Variants in MRPS18A observed in about 807,000 individuals in gnomAD.
MRPS18A encodes the protein mitochondrial ribosomal protein S18A.
A neutral mutation model predicts 22.7 loss-of-function variants in MRPS18A; 20 were observed. The ratio of observed to expected loss-of-function variants is 0.88; its 90% CI spans 0.62 to 1.28. The LOEUF (loss-of-function observed/expected upper bound fraction) is 1.28. Ranked by LOEUF, MRPS18A falls within the 50% of genes most tolerant of loss-of-function variation. The pLI is 0.00. For missense variants in MRPS18A, 294 were observed against 262.6 expected (o/e 1.12, Z -0.83); for synonymous variants, 106 against 99.1 (o/e 1.07, Z -0.41).
chr6:43,672,467 GA>G, intron 5 of MRPS18A: 1 of 469,512 alleles, frequency 2.1e-6, no homozygotes, highest in Non-Finnish European at 4.4e-6. Context: ...GGGGGGTGGG[GA>G]AAGATGGCTG....
intron 1 of MRPS18A, among the ~76,000 whole-genome samples, chr6:43,684,099 C>T (rs1339584709): frequency 6.6e-6 from 1 of 152,036 alleles, no homozygotes; most frequent in African/African-American, 2.4e-5. Context: ...CACAGCAAGA[C>T]CTTGTCTCTT....
At chr6:43,685,003 G>A (rs1186176414) in intron 1 of MRPS18A, among the ~76,000 whole-genome samples, 1 of 152,198 alleles carries the variant, frequency 6.6e-6, no homozygotes, top group East Asian at 1.9e-4. Flanking sequence ...ACTGCTAAGA[G>A]CTTTCAGGGA....
chr6:43,674,965 C>T (rs1177800235), intron 5 of MRPS18A, among the ~76,000 whole-genome samples: 2 of 152,216 alleles, frequency 1.3e-5, no homozygotes, highest in Non-Finnish European at 2.9e-5. Context: ...GGGATTAGCA[C>T]ATTCTAATGC....
chr6:43,679,791 T>C (rs143793804), intron 2 of MRPS18A, among the ~76,000 whole-genome samples: 1,893 of 151,244 alleles, frequency 0.013, 44 homozygotes, highest in African/African-American at 0.043. Flanking sequence ...TACCAGAAAC[T>C]GAGATGTTAG....
At chr6:43,681,025 G>C (rs1774375506) in intron 2 of MRPS18A, 64 bp downstream of exon 2, 1 of 1,530,868 alleles carries the variant, frequency 6.5e-7, no homozygotes, top group Non-Finnish European at 9.0e-7. Context: ...CCCTCCCTCA[G>C]AGGAGCGGCC....
Position 43,675,189 on chromosome 6 carries a change from C to G in MRPS18A, c.446+13G>C. ...GCAGAACGCTCAGGTTGTTCACACC[C>G]AGGCTTGCTTACCGGTTGAGTTGGG... is the stretch of plus-strand genomic sequence containing the variant. On this transcript the variant is annotated intron_variant, in intron 5 of 5. Transcript: ENST00000372133. 6.6e-7 allele frequency: 1 copy of G among 1,511,736 alleles called. No individual in the cohort carries two copies. The allele number at this position is 1,511,736 out of a possible 1,614,324, so 93.6% of individuals were successfully genotyped here.
At chr6:43,675,374 G>T in intron 4 of MRPS18A, 103 bp from the exon 5 acceptor site, 1 of 1,592,340 alleles carries the variant, frequency 6.3e-7, no homozygotes, top group South Asian at 1.1e-5. Flanking sequence ...ATTGGGTGGT[G>T]AGTATAATTA....
intron 2 of MRPS18A, among the ~76,000 whole-genome samples, chr6:43,680,310 G>T (rs1003340105): frequency 6.6e-6 from 1 of 152,176 alleles, no homozygotes; most frequent in African/African-American, 2.4e-5. Flanking sequence ...CATTCTAGGG[G>T]GAGACCCAAT....
intron 1 of MRPS18A, 29 bp from the exon 2 acceptor site, chr6:43,681,149 T>C: frequency 2.5e-6 from 4 of 1,607,528 alleles, no homozygotes; most frequent in Non-Finnish European, 3.4e-6. Flanking sequence ...AAACATTAGG[T>C]CAGCCATTTA....
At chr6:43,681,374 G>A (rs558057339) in intron 1 of MRPS18A, among the ~76,000 whole-genome samples, 12 of 152,310 alleles carry the variant, frequency 7.9e-5, no homozygotes, top group Admixed American at 2.6e-4. Flanking sequence ...AAGGAGTTCC[G>A]CACTGTTTTT....
chr6:43,682,877 C>T (rs1774493585), intron 1 of MRPS18A, among the ~76,000 whole-genome samples: 1 of 152,162 alleles, frequency 6.6e-6, no homozygotes, highest in Non-Finnish European at 1.5e-5. Context: ...TGCAACTTTG[C>T]TAATTTGCAA....
intron 5 of MRPS18A, 58 bp from the exon 6 acceptor site, chr6:43,671,964 G>A (rs961630975): frequency 5.3e-6 from 8 of 1,509,060 alleles, no homozygotes; most frequent in African/African-American, 2.8e-5. Flanking sequence ...CTGGACGTGG[G>A]AGAGTGGAGC....
Position 43,675,564 on chromosome 6 carries a change from T to C in MRPS18A, c.306A>G (p.Arg102=). The C allele has an allele frequency of 6.2e-7, 1 of 1,614,008 alleles. No individual in the cohort carries two copies. The highest frequency in any genetic ancestry group is 1.1e-5 in the South Asian group (1 of 91,082). ...CTTCCTGGCATAGGCCTGTGATCTT[T>C]CGGGGCAGCATGCCTCCATGAGGCC... ...FIRPHGGMLP[R]KITGLCQEEH... Residue 102 remains arginine (R), a synonymous_variant, in exon 4 of 6, where the codon CGA becomes CGG. Transcript: ENST00000372133.
intron 2 of MRPS18A, among the ~76,000 whole-genome samples, chr6:43,678,989 G>C (rs571928962): frequency 2.6e-5 from 4 of 152,294 alleles, no homozygotes; most frequent in Middle Eastern, 3.4e-3. Flanking sequence ...CTTGGCTTTT[G>C]GGGGAAAGTA....
chr6:43,677,058 A>G (rs548101539), intron 3 of MRPS18A, among the ~76,000 whole-genome samples: 1 of 152,178 alleles, frequency 6.6e-6, no homozygotes, highest in Non-Finnish European at 1.5e-5. Context: ...CCGGGATTAG[A>G]TTTCTTCTGC....
intron 1 of MRPS18A, among the ~76,000 whole-genome samples, chr6:43,682,235 G>A (rs1561952057): frequency 6.6e-6 from 1 of 152,302 alleles, no homozygotes; most frequent in South Asian, 2.1e-4. Flanking sequence ...GGAGGTTGAG[G>A]CTGCAGCGAG....
Position 43,681,087 on chromosome 6 carries a change from A to C in MRPS18A, c.144+2T>G. 1 of 1,613,426 alleles carries C rather than the reference A, an allele frequency of 6.2e-7. No homozygotes were observed. Among genetic ancestry groups the C allele is most frequent in the Non-Finnish European group, 8.5e-7 (1 of 1,179,468 alleles). On this transcript the variant is annotated splice_donor_variant, in intron 2 of 5. Coordinates refer to ENST00000372133, the MANE Select transcript of MRPS18A (RefSeq NM_018135.4). LOFTEE classifies it high-confidence loss of function. ...ATACATGGCCAACTCAACGATACTT[A>C]CTATAGTTGTCTTCCCTTCTTGGGT...
rs77740035 is a variant in MRPS18A at position 43,680,482 on chromosome 6, T to A, written c.144+607A>T. On this transcript the variant is annotated intron_variant, in intron 2 of 5. Transcript: ENST00000372133. ...CATAGAAGGCCATGTGAAAACAGCG[T>A]TGTTGTCTTTTAAGGATTATAGGAT... Among the ~76,000 whole-genome samples, 690 of 152,310 alleles carry A rather than the reference T, an allele frequency of 4.5e-3. 5 individuals are homozygous for A. Among genetic ancestry groups the A allele is most frequent in the African/African-American group, 0.015 (632 of 41,564 alleles).
rs1014004507 is a variant in MRPS18A at position 43,671,690 on chromosome 6, C to T, written c.*72G>A. 2.3e-5 allele frequency: 37 copies of T among 1,581,966 alleles called. No homozygotes were observed. The African/African-American group carries it at 4.7e-4, about 20-fold the overall frequency. On this transcript the variant is annotated 3_prime_UTR_variant, in exon 6 of 6. Transcript: ENST00000372133. ...GGGTGGGACAGGAGTATAGTTGTGG[C>T]CAAGGGCTTGTGAGTGGGCCTCCTA...
Sources: gnomAD v4.1 joint callset for allele counts (sites outside exome capture counted in the v4.1 genomes callset) on GRCh38, gnomAD v4.1.1 for gene constraint, MANE v1.5 for transcripts, NCBI Gene and HGNC (gene_info 2026-07-23, HGNC 2026-07-21) for gene names.